The following SMCO1 variants were observed in gnomAD, a reference collection of about 807,000 sequenced individuals.
SMCO1 encodes the protein single-pass membrane protein with coiled-coil domains 1.
SMCO1 carries 9 observed loss-of-function variants against 7.5 expected under a neutral mutation model. The ratio of observed to expected loss-of-function variants is 1.20; its 90% confidence interval spans 0.72 to 2.09. The LOEUF (loss-of-function observed/expected upper bound fraction) is 2.09. SMCO1 is among the 30% of genes most tolerant of loss of function. SMCO1 has a pLI of 0.00. For synonymous variants in SMCO1, 90 were observed against 93.8 expected, an observed-to-expected ratio of 0.96 and a Z score of 0.23; for missense variants, 219 against 253.1, an observed-to-expected ratio of 0.87 and a Z score of 0.91.
At chr3:196,517,985 G>C (rs1733425980), upstream of SMCO1, among the ~76,000 whole-genome samples, 1 of 152,240 alleles carries the variant, frequency 6.6e-6, no homozygotes, top group Non-Finnish European at 1.5e-5. Flanking sequence ...TGATTTGCAA[G>C]TCACAGGCTT....
upstream of SMCO1, among the ~76,000 whole-genome samples, chr3:196,516,021 A>AAAATTATACATATAAT (rs1733379288): frequency 8.3e-6 from 1 of 120,744 alleles, no homozygotes; most frequent in South Asian, 2.5e-4. Context: ...ATATATATAT[A>AAAATTATACATATAAT]TATATATATA....
chr3:196,509,210 C>T (rs1256012934), intron 2 of SMCO1, among the ~76,000 whole-genome samples: 27 of 136,314 alleles, frequency 2.0e-4, no homozygotes, highest in Admixed American at 1.1e-3. Context: ...CCACCACACC[C>T]GGCTAATTTT....
chr3:196,508,959 A>G (rs1468629403), intron 2 of SMCO1, among the ~76,000 whole-genome samples: 1 of 150,970 alleles, frequency 6.6e-6, no homozygotes, highest in African/African-American at 2.4e-5. Context: ...AAAAAGAAAA[A>G]AAAATTAATG....
intron 1 of SMCO1, among the ~76,000 whole-genome samples, chr3:196,513,288 C>T (rs1461626086): frequency 1.3e-5 from 2 of 151,500 alleles, no homozygotes; most frequent in Non-Finnish European, 2.9e-5. Flanking sequence ...TGTGATCATG[C>T]CACTGCACTC....
At position 196,507,932 on chromosome 3, in the gene SMCO1, C is replaced by T; in HGVS notation, c.600G>A (p.Lys200=). Residue 200 remains lysine (K), a synonymous_variant, in exon 3 of 3, where the codon AAG becomes AAA. Coordinates refer to ENST00000397537, the MANE Select transcript of SMCO1 (RefSeq NM_001077657.3). ...EKGKAVRTPE[K]QKSSLEELIP... is the part of the protein sequence containing the mutation. ...TCAACTCTTCGAGGGATGACTTTTG[C>T]TTTTCAGGGGTCCTAACTGCTTTCC... The T allele has an allele frequency of 6.2e-7, 1 of 1,613,988 alleles. No individual in the cohort carries two copies. Among genetic ancestry groups the T allele is most frequent in the Non-Finnish European group, 8.5e-7 (1 of 1,179,956 alleles).
chr3:196,513,219 A>C lies in SMCO1; in HGVS notation c.50+1941T>G, dbSNP rs1733295652. ...GGTGTGCACACTTGTGGTCCCAGCT[A>C]CTGGGGAAGCTGAGGTATGAGAATT... On this transcript the variant is annotated intron_variant, in intron 1 of 2. Coordinates refer to ENST00000397537, the MANE Select transcript of SMCO1 (RefSeq NM_001077657.3). 2.0e-5 allele frequency among the ~76,000 whole-genome samples: 3 copies of C among 152,172 alleles called. No individual in the cohort carries two copies. The South Asian group carries it at 6.2e-4, about 32-fold the overall frequency.
intron 1 of SMCO1, among the ~76,000 whole-genome samples, chr3:196,512,204 G>A (rs914609079): frequency 7.6e-6 from 1 of 132,212 alleles, no homozygotes; most frequent in South Asian, 2.4e-4. Context: ...CCTAGATTGT[G>A]GTTATGAGAG....
intron 1 of SMCO1, among the ~76,000 whole-genome samples, chr3:196,513,019 T>C (rs1346149741): frequency 6.6e-6 from 1 of 152,182 alleles, no homozygotes; most frequent in Non-Finnish European, 1.5e-5. Context: ...CTGTAATTTC[T>C]GTCTACAAGT....
chr3:196,516,193 G>A (rs147957139), upstream of SMCO1, among the ~76,000 whole-genome samples: 7 of 150,222 alleles, frequency 4.7e-5, no homozygotes, highest in African/African-American at 1.7e-4. Flanking sequence ...TTAAAATCTA[G>A]TTGGGAAGAA....
intron 2 of SMCO1, 85 bp downstream of exon 2, chr3:196,509,435 C>G (rs112960704): frequency 1.5e-5 from 17 of 1,149,738 alleles, no homozygotes; most frequent in African/African-American, 9.4e-5. Context: ...TTGTGGGAAA[C>G]ATACTAAGAA....
chr3:196,516,090 A>T (rs1333460017), upstream of SMCO1, among the ~76,000 whole-genome samples: 4 of 141,666 alleles, frequency 2.8e-5, no homozygotes, highest in Non-Finnish European at 6.1e-5. Context: ...TCGTATATAA[A>T]ATATATATAT....
chr3:196,516,032 A>ATATATAT (rs1491288835), upstream of SMCO1, among the ~76,000 whole-genome samples: 2 of 77,590 alleles, frequency 2.6e-5, no homozygotes, highest in Non-Finnish European at 5.5e-5. Context: ...TATATATATA[A>ATATATAT]TTATATATAA....
At chr3:196,518,954 G>A (rs1451793440), upstream of SMCO1, among the ~76,000 whole-genome samples, 1 of 152,166 alleles carries the variant, frequency 6.6e-6, no homozygotes. Flanking sequence ...ACCATCCCGT[G>A]AGGCCAGGAA....
chr3:196,509,257 G>A (rs1733149321), intron 2 of SMCO1, among the ~76,000 whole-genome samples: 1 of 148,930 alleles, frequency 6.7e-6, no homozygotes, highest in Non-Finnish European at 1.5e-5. Flanking sequence ...GTAGAGGCAG[G>A]GTTTCACTGT....
intron 1 of SMCO1, among the ~76,000 whole-genome samples, chr3:196,512,122 T>C (rs1044753325): frequency 1.3e-5 from 2 of 150,498 alleles, no homozygotes; most frequent in African/African-American, 4.9e-5. Flanking sequence ...CTGAGCCACC[T>C]AGATTGTGGT....
At chr3:196,516,401 A>G (rs1733390639), upstream of SMCO1, among the ~76,000 whole-genome samples, 1 of 152,048 alleles carries the variant, frequency 6.6e-6, no homozygotes, top group Non-Finnish European at 1.5e-5. Flanking sequence ...GGTGTTACGA[A>G]CTGGAGAAAT....
chr3:196,515,983 GATAGGATATAT>G (rs1466595557), upstream of SMCO1, among the ~76,000 whole-genome samples: 3,079 of 81,678 alleles, frequency 0.038, 123 homozygotes, highest in Middle Eastern at 0.062. Flanking sequence ...CGGGCAAGAG[GATAGGATATAT>G]ATATATATAT....
chr3:196,519,935 C>CGG (rs111924618), upstream of SMCO1, among the ~76,000 whole-genome samples: 3 of 151,998 alleles, frequency 2.0e-5, no homozygotes, highest in African/African-American at 7.3e-5. Context: ...GGAAAACAGT[C>CGG]GGGGGGGACG....
chr3:196,508,163 C>T lies in SMCO1; in HGVS notation c.369G>A (p.Glu123=), dbSNP rs1733106753. ...GCAGCCCACACTCCTCCAGTATGGA[C>T]TCCCATACAACTCTAACGCGCTTGT... The part of the protein sequence containing the change: ...VKNKRVRVVW[E]SILEECGLQE... Residue 123 remains glutamate, a synonymous_variant, in exon 3 of 3, where the codon GAG becomes GAA. Coordinates refer to ENST00000397537, the MANE Select transcript of SMCO1 (RefSeq NM_001077657.3). The T allele has an allele frequency of 1.2e-6, 2 of 1,614,030 alleles. No individual in the cohort carries two copies. The highest frequency in any genetic ancestry group is 1.7e-6 in the Non-Finnish European group (2 of 1,180,006).
Sources: allele counts gnomAD v4.1 joint callset (sites outside exome capture counted in the v4.1 genomes callset), GRCh38; gene constraint gnomAD v4.1.1; transcripts MANE v1.5; gene names NCBI Gene and HGNC (gene_info 2026-07-23, HGNC 2026-07-21).